The following CPXM2 variants were observed in gnomAD, a reference collection of about 807,000 sequenced individuals.
The protein encoded by CPXM2 is inactive carboxypeptidase-like protein X2.
In CPXM2, 66 loss-of-function variants were observed where a neutral mutation model predicts 86.1. The ratio of observed to expected loss-of-function variants is 0.77; its 90% CI spans 0.63 to 0.94. The LOEUF is 0.94. CPXM2 is among the 40% of genes least tolerant of loss of function. The probability of loss-of-function intolerance (pLI) is 0.00; values close to 1 mark genes in which losing one functional copy is unlikely to be tolerated. For synonymous variants in CPXM2, 388 were observed against 400.2 expected, an observed-to-expected ratio of 0.97 and a Z score of 0.36; for missense variants, 948 against 1,026.3, an observed-to-expected ratio of 0.92 and a Z score of 1.04.
chr10:123,899,839 T>C (rs1945366573), intron 2 of CPXM2, among the ~76,000 whole-genome samples: 1 of 152,132 alleles, frequency 6.6e-6, no homozygotes, highest in Non-Finnish European at 1.5e-5. Context: ...AGAAAGTGTA[T>C]AAACATATCT....
intron 2 of CPXM2, among the ~76,000 whole-genome samples, chr10:123,925,922 T>G (rs976017467): frequency 6.6e-6 from 1 of 152,232 alleles, no homozygotes; most frequent in Admixed American, 6.5e-5. Flanking sequence ...ATCTATGCAT[T>G]AGGCAAAAGT....
intron 6 of CPXM2, among the ~76,000 whole-genome samples, chr10:123,780,878 A>G (rs758150064): frequency 1.3e-5 from 2 of 152,194 alleles, no homozygotes; most frequent in Non-Finnish European, 2.9e-5. Flanking sequence ...TGGCCACTGT[A>G]ATTGATCCAG....
intron 2 of CPXM2, among the ~76,000 whole-genome samples, chr10:123,931,807 G>T (rs1487378655): frequency 6.6e-6 from 1 of 152,186 alleles, no homozygotes; most frequent in Non-Finnish European, 1.5e-5. Context: ...ACCACTATAT[G>T]TAAAAAGGTG....
At chr10:123,929,168 C>G (rs1945646407) in intron 2 of CPXM2, among the ~76,000 whole-genome samples, 1 of 152,208 alleles carries the variant, frequency 6.6e-6, no homozygotes, top group Admixed American at 6.5e-5. Context: ...AGTGCCAGGA[C>G]AGATGATGGC....
chr10:123,811,745 C>T (rs1373702375), intron 4 of CPXM2, among the ~76,000 whole-genome samples: 1 of 151,866 alleles, frequency 6.6e-6, no homozygotes, highest in Non-Finnish European at 1.5e-5. Context: ...ATCAATGAGA[C>T]AAAGAAAAAG....
intron 9 of CPXM2, among the ~76,000 whole-genome samples, chr10:123,768,241 G>A (rs762758949): frequency 1.3e-5 from 2 of 152,120 alleles, no homozygotes; most frequent in Non-Finnish European, 2.9e-5. Context: ...AGCTGGGCAT[G>A]GTGGCTGGCG....
chr10:123,761,917 CCTT>C lies in CPXM2; in HGVS notation c.1729_1731del (p.Lys577del). 6.2e-7 allele frequency: 1 copy of C among 1,613,910 alleles called. No homozygotes were observed. The highest frequency in any genetic ancestry group is 8.5e-7 in the Non-Finnish European group (1 of 1,179,936). Reference sequence around the variant, plus strand: ...GAGGCCCCATTGACAGTGCCCTCCTCCTTCTGGAAGTCCTCCGTGTGGCACACC... The same window carrying C: ...GAGGCCCCATTGACAGTGCCCTCCTCCTGGAAGTCCTCCGTGTGGCACACC... On this transcript the variant is annotated inframe_deletion, in exon 11 of 14. Coordinates refer to ENST00000241305, the MANE Select transcript of CPXM2 (RefSeq NM_198148.3).
chr10:123,879,351 CA>C (rs1357355581), intron 2 of CPXM2, among the ~76,000 whole-genome samples: 1 of 152,096 alleles, frequency 6.6e-6, no homozygotes, highest in Admixed American at 6.6e-5. Context: ...TTAAGCTAAC[CA>C]AAAAGTCTAG....
At chr10:123,854,387 T>TATATATATTATATATATATTATATATAAA (rs1848670279) in intron 3 of CPXM2, among the ~76,000 whole-genome samples, 3 of 116,882 alleles carry the variant, frequency 2.6e-5, no homozygotes, top group Non-Finnish European at 5.0e-5. Flanking sequence ...ATATATATAA[T>TATATATATTATATATATATTATATATAAA]ATATATATTA....
chr10:123,814,098 C>T (rs1197992107), intron 4 of CPXM2, among the ~76,000 whole-genome samples: 1 of 152,158 alleles, frequency 6.6e-6, no homozygotes, highest in African/African-American at 2.4e-5. Flanking sequence ...TCAGTCTTGA[C>T]CATTGGGTGC....
intron 3 of CPXM2, among the ~76,000 whole-genome samples, chr10:123,847,436 G>A (rs1848516414): frequency 6.6e-6 from 1 of 152,054 alleles, no homozygotes; most frequent in African/African-American, 2.4e-5. Context: ...TGAGGCAGGA[G>A]AATTGCTTGA....
chr10:123,794,073 C>T (rs913966184), intron 6 of CPXM2, among the ~76,000 whole-genome samples: 1 of 152,210 alleles, frequency 6.6e-6, no homozygotes, highest in African/African-American at 2.4e-5. Context: ...AGGAAGGATA[C>T]AGTGTGTCAC....
upstream of CPXM2, among the ~76,000 whole-genome samples, chr10:123,943,229 C>T (rs1013524336): frequency 6.6e-6 from 1 of 150,600 alleles, no homozygotes; most frequent in Non-Finnish European, 1.5e-5. Context: ...TATTGCTTTC[C>T]TCACTAAATA....
chr10:123,915,056 C>T (rs754019969), intron 2 of CPXM2, among the ~76,000 whole-genome samples: 5 of 152,220 alleles, frequency 3.3e-5, no homozygotes, highest in Non-Finnish European at 5.9e-5. Context: ...TCCCCTCCCG[C>T]GGCTCCTCTG....
chr10:123,857,573 CGTGG>C (rs1848755230), intron 3 of CPXM2, among the ~76,000 whole-genome samples: 15 of 122,866 alleles, frequency 1.2e-4, no homozygotes, highest in Non-Finnish European at 2.1e-4. Flanking sequence ...TGGAAGGCGG[CGTGG>C]AGATGGAAGG....
Position 123,865,570 on chromosome 10 carries a change from A to C in CPXM2, c.404-2847T>G, listed in dbSNP as rs1265670576. Among the ~76,000 whole-genome samples, 1 of 152,126 alleles carries C rather than the reference A, an allele frequency of 6.6e-6. No homozygotes were observed. The highest frequency in any genetic ancestry group is 2.4e-5 in the African/African-American group (1 of 41,426). On this transcript the variant is annotated intron_variant, in intron 2 of 13. Coordinates refer to ENST00000241305, the MANE Select transcript of CPXM2 (RefSeq NM_198148.3). The surrounding 1 kb of genome is among the most constrained non-coding windows in gnomAD (Gnocchi z 4.7). ...CCAATGACACTGTCCACCTCCTATC[A>C]CACCTCTGAGTTTCCACTCAACCTC... is the stretch of plus-strand genomic sequence containing the variant.
chr10:123,937,080 A>T (rs1945727420), intron 2 of CPXM2, among the ~76,000 whole-genome samples: 1 of 152,196 alleles, frequency 6.6e-6, no homozygotes, highest in Non-Finnish European at 1.5e-5. Flanking sequence ...AATTCTAAAC[A>T]CACAGCAATT....
At chr10:123,905,587 C>T (rs1404097449) in intron 2 of CPXM2, among the ~76,000 whole-genome samples, 1 of 152,194 alleles carries the variant, frequency 6.6e-6, no homozygotes, top group African/African-American at 2.4e-5. Flanking sequence ...CCCAACCCAG[C>T]ACAAGAGATT....
chr10:123,792,122 C>G (rs1847218767), intron 6 of CPXM2, among the ~76,000 whole-genome samples: 2 of 152,168 alleles, frequency 1.3e-5, no homozygotes, highest in South Asian at 4.1e-4. Flanking sequence ...GAAAACAAAA[C>G]CAGGACAGGG....
Sources: gnomAD v4.1 joint callset for allele counts (sites outside exome capture counted in the v4.1 genomes callset) on GRCh38, gnomAD v4.1.1 for gene constraint, Gnocchi (gnomAD v3.1) non-coding constraint, MANE v1.5 for transcripts, NCBI Gene and HGNC (gene_info 2026-07-23, HGNC 2026-07-21) for gene names.